ATP2B4: variants seen among roughly 807,000 people sequenced by gnomAD.
ATP2B4 encodes plasma membrane calcium-transporting ATPase 4.
A neutral mutation model predicts 110.3 loss-of-function variants in ATP2B4; 39 were observed. The ratio of observed to expected loss-of-function variants is 0.35; its 90% confidence interval spans 0.27 to 0.46. ATP2B4 has a LOEUF of 0.46. Ranked by LOEUF, ATP2B4 falls within the 20% of genes least tolerant of loss-of-function variation. ATP2B4 has a pLI of 1.00. For synonymous variants in ATP2B4, 538 were observed against 571.7 expected (o/e 0.94, Z 0.84); for missense variants, 1,135 against 1,530.9 (o/e 0.74, Z 4.32).
Position 203,683,153 on chromosome 1 carries a change from G to C in ATP2B4, c.-53G>C. Reference sequence around the variant, plus strand: ...GGGAGGCAGGAGACACTGGTCAGTTGAAGGGAAACGCTACATCTTCTCTGG... The same window carrying C: ...GGGAGGCAGGAGACACTGGTCAGTTCAAGGGAAACGCTACATCTTCTCTGG... On this transcript the variant is annotated 5_prime_UTR_variant, in exon 2 of 21. Coordinates refer to ENST00000357681, the MANE Select transcript of ATP2B4 (RefSeq NM_001684.5). 1 of 1,579,920 alleles carries C rather than the reference G, an allele frequency of 6.3e-7. No individual in the cohort carries two copies. The highest frequency in any genetic ancestry group is 2.1e-4 in the Middle Eastern group (1 of 4,776).
intron 1 of ATP2B4, among the ~76,000 whole-genome samples, chr1:203,663,583 T>G (rs1664413749): frequency 6.6e-6 from 1 of 151,876 alleles, no homozygotes; most frequent in Admixed American, 6.6e-5. Flanking sequence ...ATTATCCCAC[T>G]ATTTTCTACA....
chr1:203,675,790 G>A (rs889508310), intron 1 of ATP2B4, among the ~76,000 whole-genome samples: 3 of 152,150 alleles, frequency 2.0e-5, no homozygotes, highest in African/African-American at 2.4e-5. Flanking sequence ...CTGAGCCTGC[G>A]AGTGACATCC....
intron 1 of ATP2B4, among the ~76,000 whole-genome samples, chr1:203,640,356 C>T (rs552829881): frequency 6.6e-6 from 1 of 152,320 alleles, no homozygotes; most frequent in Non-Finnish European, 1.5e-5. Flanking sequence ...TCACTCCCAT[C>T]GCCCAGGCTG....
intron 1 of ATP2B4, among the ~76,000 whole-genome samples, chr1:203,656,460 G>A (rs1664166462): frequency 6.6e-6 from 1 of 152,136 alleles, no homozygotes; most frequent in Non-Finnish European, 1.5e-5. Context: ...CTAGACCTTT[G>A]CGGTATTCAG....
intron 2 of ATP2B4, among the ~76,000 whole-genome samples, chr1:203,696,176 C>A (rs1665528070): frequency 6.6e-6 from 1 of 152,172 alleles, no homozygotes; most frequent in Non-Finnish European, 1.5e-5. Flanking sequence ...ATACACCCAC[C>A]TTGGCCTCCC....
Position 203,707,569 on chromosome 1 carries a change from T to G in ATP2B4, c.1315-293T>G, listed in dbSNP as rs1333563862. ...CCTCAGCCTCCCAAGTAGCTGGGAT[T>G]ACAGGTGTGCACCACCATGCCCAGT... On this transcript the variant is annotated intron_variant, in intron 9 of 20. Transcript: ENST00000357681. 2.6e-5 allele frequency among the ~76,000 whole-genome samples: 4 copies of G among 152,164 alleles called. No homozygotes were observed. In the East Asian group the frequency reaches 7.7e-4, roughly 29 times the overall value.
chr1:203,725,804 CCATTTCT>C (rs913067348), intron 19 of ATP2B4, among the ~76,000 whole-genome samples: 7 of 151,984 alleles, frequency 4.6e-5, no homozygotes, highest in African/African-American at 1.7e-4. Flanking sequence ...CCTCAAAGAG[CCATTTCT>C]GGAGCTGCAG....
At chr1:203,719,721 TATAAATAA>T (rs34272522) in intron 15 of ATP2B4, among the ~76,000 whole-genome samples, 73 of 146,296 alleles carry the variant, frequency 5.0e-4, no homozygotes, top group African/African-American at 1.4e-3. Context: ...TCTCAAAAAC[TATAAATAA>T]ATAAATAAAT....
chr1:203,707,255 A>C (rs1207449044), intron 9 of ATP2B4, 32 bp downstream of exon 9: 1 of 1,581,160 alleles, frequency 6.3e-7, no homozygotes, highest in Non-Finnish European at 8.7e-7. Flanking sequence ...CTCTTCCTTT[A>C]GGATAGAGAT....
In ATP2B4 at chr1:203,629,860, G is replaced by A. The variant is rs974092644; in HGVS notation, c.-465+2641G>A. Among the ~76,000 whole-genome samples the A allele has an allele frequency of 2.6e-5, 4 of 152,174 alleles. No individual in the cohort carries two copies. The South Asian group carries it at 8.3e-4, about 31-fold the overall frequency. ...CCTGGGACTCCCAGCGCCCAGCACG[G>A]AGCCTGGGATGTTAGAGCGCTGGGT... On this transcript the variant is annotated intron_variant, in intron 1 of 20. Transcript: ENST00000357681. The surrounding 1 kb of genome is among the most constrained non-coding windows in gnomAD (Gnocchi z 4.6).
chr1:203,627,784 G>A (rs999791782), intron 1 of ATP2B4, among the ~76,000 whole-genome samples: 1 of 152,134 alleles, frequency 6.6e-6, no homozygotes, highest in Non-Finnish European at 1.5e-5. Flanking sequence ...GCTGGGAGAA[G>A]TTGGCAGGAG....
intron 12 of ATP2B4, 137 bp downstream of exon 12, chr1:203,711,245 C>CA: frequency 1.3e-6 from 1 of 773,898 alleles, no homozygotes; most frequent in South Asian, 1.7e-5. Context: ...CTTCACAGGA[C>CA]TGCTGTGGAG....
intron 1 of ATP2B4, among the ~76,000 whole-genome samples, chr1:203,669,927 C>A (rs1251330017): frequency 3.9e-5 from 6 of 152,200 alleles, no homozygotes; most frequent in Admixed American, 6.5e-5. Context: ...CACTTTCTCT[C>A]CCCTGAGAGA....
chr1:203,655,221 A>C (rs1257545433), intron 1 of ATP2B4, among the ~76,000 whole-genome samples: 1 of 152,338 alleles, frequency 6.6e-6, no homozygotes, highest in South Asian at 2.1e-4. Flanking sequence ...TGTTGAAGTG[A>C]CAAAGGATTT....
At chr1:203,714,140 A>G in intron 14 of ATP2B4, 31 bp from the exon 15 acceptor site, 1 of 1,603,226 alleles carries the variant, frequency 6.2e-7, no homozygotes, top group Non-Finnish European at 8.5e-7. Context: ...GAGACCAGAA[A>G]AGCTCACTGT....
At chr1:203,651,289 C>G (rs557110624) in intron 1 of ATP2B4, among the ~76,000 whole-genome samples, 6 of 152,058 alleles carry the variant, frequency 3.9e-5, no homozygotes, top group African/African-American at 1.4e-4. Context: ...TTCTCAGATG[C>G]ACAAAATTGG....
chr1:203,663,220 A>G (rs1407943302), intron 1 of ATP2B4, among the ~76,000 whole-genome samples: 10 of 152,154 alleles, frequency 6.6e-5, no homozygotes, highest in Non-Finnish European at 1.5e-4. Context: ...TACTATAATC[A>G]TAGGCCTTCT....
intron 3 of ATP2B4, 104 bp from the exon 4 acceptor site, chr1:203,699,356 C>T: frequency 6.7e-7 from 1 of 1,486,536 alleles, no homozygotes; most frequent in Non-Finnish European, 9.1e-7. Flanking sequence ...CTATTATTCA[C>T]TTTTCCTGAC....
chr1:203,641,631 C>T (rs1340712138), intron 1 of ATP2B4, among the ~76,000 whole-genome samples: 1 of 152,166 alleles, frequency 6.6e-6, no homozygotes, highest in African/African-American at 2.4e-5. Context: ...TATACATTAT[C>T]TGTAATCCTT....
Sources: allele counts gnomAD v4.1 joint callset (sites outside exome capture counted in the v4.1 genomes callset), GRCh38; gene constraint gnomAD v4.1.1; non-coding constraint Gnocchi (gnomAD v3.1); transcripts MANE v1.5; gene names NCBI Gene and HGNC (gene_info 2026-07-23, HGNC 2026-07-21).